The following RFTN1 variants were observed in gnomAD, a reference collection of about 807,000 sequenced individuals.
The protein encoded by RFTN1 is raftlin.
A neutral mutation model predicts 46.5 loss-of-function variants in RFTN1; 26 were observed. The observed-to-expected ratio is 0.56, with a 90% CI of 0.41 to 0.78. RFTN1 has a LOEUF of 0.78. Among genes scored for constraint, RFTN1 ranks in the 30% least tolerant of loss-of-function variants. The pLI is 0.00. For synonymous variants in RFTN1, 261 were observed against 284.2 expected (o/e 0.92, Z 0.82); for missense variants, 693 against 718.7 (o/e 0.96, Z 0.41).
Position 16,376,433 on chromosome 3 carries a change from G to T in RFTN1, c.826+1285C>A, listed in dbSNP as rs116599481. On this transcript the variant is annotated intron_variant, in intron 5 of 9. Coordinates refer to ENST00000334133, the MANE Select transcript of RFTN1 (RefSeq NM_015150.2). This position sits in a 1 kb window ranked among gnomAD's most constrained non-coding sequence, Gnocchi z 4.7. ...TCTCGCCCTCCCACAGTCCTGGACC[G>T]TACAGAAGGACTCCAGTGAGGTCCA... Among the ~76,000 whole-genome samples the T allele has an allele frequency of 1.3e-5, 2 of 152,062 alleles. No homozygotes were observed. The highest frequency in any genetic ancestry group is 3.9e-4 in the East Asian group (2 of 5,182).
intron 2 of RFTN1, among the ~76,000 whole-genome samples, chr3:16,485,601 A>G (rs1348669436): frequency 6.6e-6 from 1 of 152,242 alleles, no homozygotes; most frequent in Non-Finnish European, 1.5e-5. Flanking sequence ...ACTATTCAAC[A>G]GTGACACAGC....
Position 16,513,254 on chromosome 3 carries a change from C to A in RFTN1, c.-9+188G>T. 1 of 152,598 alleles carries A rather than the reference C, an allele frequency of 6.6e-6. No individual in the cohort carries two copies. Among genetic ancestry groups the A allele is most frequent in the East Asian group, 1.9e-4 (1 of 5,214 alleles). The allele number at this position is 152,598 out of a possible 1,614,324, so 9.5% of individuals were successfully genotyped here. On this transcript the variant is annotated intron_variant, in intron 1 of 9. Coordinates refer to ENST00000334133, the MANE Select transcript of RFTN1 (RefSeq NM_015150.2). This position sits in a 1 kb window ranked among gnomAD's most constrained non-coding sequence, Gnocchi z 5.4. ...GATCCAGGCGTCCCAAGGATCAGCC[C>A]AGGTCCCCATCCGACGCGGGCCAGG... is the stretch of plus-strand genomic sequence containing the variant.
At position 16,440,335 on chromosome 3, in the gene RFTN1, G is replaced by C. The variant is rs977412502; in HGVS notation, c.146-6298C>G. On this transcript the variant is annotated intron_variant, in intron 2 of 9. Transcript: ENST00000334133. The surrounding 1 kb of genome is among the most constrained non-coding windows in gnomAD (Gnocchi z 4.6). ...TCCTCCTGCCTCAGCCCCCTGAGTA[G>C]CTGGGACTACAGGTGTGCACCAACA... Among the ~76,000 whole-genome samples the C allele has an allele frequency of 6.6e-6, 1 of 152,194 alleles. No individual in the cohort carries two copies.
intron 1 of RFTN1, among the ~76,000 whole-genome samples, chr3:16,495,124 A>G (rs559861700): frequency 1.3e-5 from 2 of 152,342 alleles, no homozygotes; most frequent in African/African-American, 4.8e-5. Context: ...AGGCTTACTT[A>G]TGCCTTAATA....
chr3:16,325,182 C>T (rs1270155225), intron 8 of RFTN1, among the ~76,000 whole-genome samples: 1 of 152,198 alleles, frequency 6.6e-6, no homozygotes, highest in Non-Finnish European at 1.5e-5. Context: ...CACATAATGG[C>T]TCATTTAAGC....
intron 6 of RFTN1, among the ~76,000 whole-genome samples, chr3:16,358,739 A>C (rs990091201): frequency 6.6e-6 from 1 of 152,182 alleles, no homozygotes; most frequent in African/African-American, 2.4e-5. Context: ...GGGTAAAAAG[A>C]AATATAGAAC....
intron 3 of RFTN1, among the ~76,000 whole-genome samples, chr3:16,432,255 C>T (rs2075402932): frequency 6.6e-6 from 1 of 152,180 alleles, no homozygotes; most frequent in Non-Finnish European, 1.5e-5. Flanking sequence ...TGGTGGCTCA[C>T]ACCTCTAATC....
rs1050265819 is a variant in RFTN1, at chr3:16,421,098, A to C, written c.333-11615T>G. 1.3e-5 allele frequency among the ~76,000 whole-genome samples: 2 copies of C among 152,250 alleles called. No homozygotes were observed. The highest frequency in any genetic ancestry group is 4.8e-5 in the African/African-American group (2 of 41,464). ...CTGAGTACCACTGTACTAACATCTT[A>C]CATATGTTATAAAACAAAACATACA... On this transcript the variant is annotated intron_variant, in intron 3 of 9. Transcript: ENST00000334133. This position sits in a 1 kb window ranked among gnomAD's most constrained non-coding sequence, Gnocchi z 4.6.
At chr3:16,349,303 A>C (rs1203544750) in intron 7 of RFTN1, 2 of 152,274 alleles carry the variant, frequency 1.3e-5, no homozygotes, top group African/African-American at 4.8e-5. Context: ...TTGTCACCCT[A>C]AGATAAAAGT....
rs2071018277 is a variant in RFTN1 at position 16,337,915 on chromosome 3, T to A, written c.1147-11039A>T. 6.6e-6 allele frequency among the ~76,000 whole-genome samples: 1 copy of A among 152,150 alleles called. No individual in the cohort carries two copies. Among genetic ancestry groups the A allele is most frequent in the Non-Finnish European group, 1.5e-5 (1 of 68,030 alleles). ...TGGCCTTGCATTACCTCTGGAGCCC[T>A]GAAGTCTAATTTATGATAACCTACT... On this transcript the variant is annotated intron_variant, in intron 7 of 9. Coordinates refer to ENST00000334133, the MANE Select transcript of RFTN1 (RefSeq NM_015150.2). The surrounding 1 kb of genome is among the most constrained non-coding windows in gnomAD (Gnocchi z 5.0).
In RFTN1 at chr3:16,351,765, G is replaced by A. The variant is rs1293326683; in HGVS notation, c.1146+6167C>T. ...ATATAAACTATAAGTGCAAAAACAAGTTGTTTCTCAAAAAACTAAGTTGAA... is the reference window on the plus strand; with the variant it reads ...ATATAAACTATAAGTGCAAAAACAAATTGTTTCTCAAAAAACTAAGTTGAA... On this transcript the variant is annotated intron_variant, in intron 7 of 9. Transcript: ENST00000334133. The surrounding 1 kb of genome is among the most constrained non-coding windows in gnomAD (Gnocchi z 5.4). 3.3e-5 allele frequency among the ~76,000 whole-genome samples: 5 copies of A among 151,972 alleles called. No homozygotes were observed. Among genetic ancestry groups the A allele is most frequent in the Admixed American group, 2.0e-4 (3 of 15,268 alleles).
Position 16,449,376 on chromosome 3 carries a change from C to A in RFTN1, c.146-15339G>T, listed in dbSNP as rs1433266001. On this transcript the variant is annotated intron_variant, in intron 2 of 9. Transcript: ENST00000334133. The surrounding 1 kb of genome is among the most constrained non-coding windows in gnomAD (Gnocchi z 5.1). ...AAATTTCAGTGCCATCCCTTACTAG[C>A]CATATGACTTTGGGTGAATTACGAA... Among the ~76,000 whole-genome samples the A allele has an allele frequency of 6.6e-6, 1 of 152,148 alleles. No individual in the cohort carries two copies. Among genetic ancestry groups the A allele is most frequent in the East Asian group, 1.9e-4 (1 of 5,196 alleles).
At chr3:16,455,349 G>A (rs1362195328) in intron 2 of RFTN1, among the ~76,000 whole-genome samples, 2 of 152,186 alleles carry the variant, frequency 1.3e-5, no homozygotes, top group Middle Eastern at 3.2e-3. Flanking sequence ...CTTTGTGTGC[G>A]TATGTGAAAA....
intron 7 of RFTN1, among the ~76,000 whole-genome samples, chr3:16,355,177 G>T (rs1190408842): frequency 6.6e-6 from 1 of 152,162 alleles, no homozygotes; most frequent in Non-Finnish European, 1.5e-5. Context: ...TTTCTAGCCT[G>T]TATGTCCAAA....
chr3:16,360,750 T>C (rs1227849862), intron 6 of RFTN1, among the ~76,000 whole-genome samples: 1 of 152,206 alleles, frequency 6.6e-6, no homozygotes, highest in East Asian at 1.9e-4. Context: ...AATCCAAATA[T>C]TTAACCATAG....
chr3:16,333,677 T>TA (rs2070552526), intron 7 of RFTN1, among the ~76,000 whole-genome samples: 1 of 151,988 alleles, frequency 6.6e-6, no homozygotes, highest in Non-Finnish European at 1.5e-5. Flanking sequence ...ACTCATATGA[T>TA]ATAAAAGACA....
At chr3:16,470,345 C>G (rs915714376) in intron 2 of RFTN1, among the ~76,000 whole-genome samples, 1 of 152,214 alleles carries the variant, frequency 6.6e-6, no homozygotes, top group Non-Finnish European at 1.5e-5. Flanking sequence ...GGCATCAACA[C>G]TTGCAAGAAA....
intron 4 of RFTN1, among the ~76,000 whole-genome samples, chr3:16,393,387 A>G (rs927062074): frequency 6.6e-6 from 1 of 152,204 alleles, no homozygotes; most frequent in African/African-American, 2.4e-5. Flanking sequence ...TAAAACTCCA[A>G]TGCACATAAG....
At position 16,316,913 on chromosome 3, in the gene RFTN1, CA is replaced by C. The variant is rs763088197; in HGVS notation, c.1651del (p.Cys551AlafsTer39). The C allele has an allele frequency of 6.2e-7, 1 of 1,614,172 alleles. No individual in the cohort carries two copies. Among genetic ancestry groups the C allele is most frequent in the Non-Finnish European group, 8.5e-7 (1 of 1,180,030 alleles). On this transcript the variant is annotated frameshift_variant, in exon 10 of 10. Coordinates refer to ENST00000334133, the MANE Select transcript of RFTN1 (RefSeq NM_015150.2). LOFTEE classifies it low-confidence loss of function (END_TRUNC). The surrounding 1 kb of genome is among the most constrained non-coding windows in gnomAD (Gnocchi z 4.5). ...CTCTCCAGGATTGGAGTGCCCAGTGCAAATCCCCACCAGGGCCCTGCTGTGG... is the reference window on the plus strand; with the variant it reads ...CTCTCCAGGATTGGAGTGCCCAGTGCAATCCCCACCAGGGCCCTGCTGTGG... ...ASHSRALVGI[C>X]TGHSNPGEDA... is the part of the protein sequence containing the mutation.
Sources: gnomAD v4.1 joint callset for allele counts (sites outside exome capture counted in the v4.1 genomes callset) on GRCh38, gnomAD v4.1.1 for gene constraint, Gnocchi (gnomAD v3.1) non-coding constraint, MANE v1.5 for transcripts, NCBI Gene and HGNC (gene_info 2026-07-23, HGNC 2026-07-21) for gene names.